ATXN1: variants seen among roughly 807,000 people sequenced by gnomAD.
The protein encoded by ATXN1 is ataxin 1.
ATXN1 carries 8 observed loss-of-function variants against 56.4 expected under a neutral mutation model. The observed-to-expected ratio is 0.14, with a 90% CI of 0.08 to 0.26. The LOEUF is 0.26. Ranked by LOEUF, ATXN1 falls within the 10% of genes least tolerant of loss-of-function variation. The pLI is 1.00. For synonymous variants in ATXN1, 514 were observed against 494.6 expected (o/e 1.04, Z -0.52); for missense variants, 987 against 1,106.5 (o/e 0.89, Z 1.53).
At chr6:16,609,944 A>G (rs546286640) in intron 3 of ATXN1, among the ~76,000 whole-genome samples, 7 of 152,282 alleles carry the variant, frequency 4.6e-5, no homozygotes, top group South Asian at 2.1e-4. Context: ...AAAAAAAATT[A>G]GGATTTTTTT....
chr6:16,742,829 C>T (rs1760389191), intron 2 of ATXN1, among the ~76,000 whole-genome samples: 1 of 152,298 alleles, frequency 6.6e-6, no homozygotes, highest in South Asian at 2.1e-4. Context: ...GGTCACCCTA[C>T]CCCTTTAAGC....
intron 6 of ATXN1, among the ~76,000 whole-genome samples, chr6:16,347,280 T>G (rs1448305365): frequency 2.0e-5 from 3 of 152,244 alleles, no homozygotes; most frequent in Non-Finnish European, 4.4e-5. Context: ...ATCCACTAGG[T>G]GAAGCCAGCT....
chr6:16,605,684 T>C (rs1434056178), intron 3 of ATXN1, among the ~76,000 whole-genome samples: 3 of 152,166 alleles, frequency 2.0e-5, no homozygotes, highest in Non-Finnish European at 4.4e-5. Context: ...AGTAAGAAGA[T>C]TAGCAGGAGA....
At chr6:16,438,581 A>G (rs1759440742) in intron 6 of ATXN1, among the ~76,000 whole-genome samples, 1 of 152,248 alleles carries the variant, frequency 6.6e-6, no homozygotes, top group African/African-American at 2.4e-5. Flanking sequence ...CCTCATCTCT[A>G]CAAGTCTCCT....
Position 16,491,277 on chromosome 6 carries a change from AT to A in ATXN1, c.-298-5169del, listed in dbSNP as rs57395401. Among the ~76,000 whole-genome samples the A allele has an allele frequency of 7.2e-3, 953 of 131,940 alleles. 17 individuals carry two copies. The highest frequency in any genetic ancestry group is 0.026 in the African/African-American group (871 of 33,924). 86.6% of individuals were successfully genotyped at this position (131,940 alleles called of 152,430 possible). On this transcript the variant is annotated intron_variant, in intron 5 of 7. Transcript: ENST00000436367. ...CTGGCTAATTATTATTATTATTATT[AT>A]TTTTTTTTTTTTTTTTTTTTTTTGA...
intron 4 of ATXN1, among the ~76,000 whole-genome samples, chr6:16,523,577 T>C (rs1414368655): frequency 6.6e-6 from 1 of 152,166 alleles, no homozygotes; most frequent in Non-Finnish European, 1.5e-5. Flanking sequence ...TGTGAAGAAG[T>C]CTTAATAAAT....
intron 3 of ATXN1, among the ~76,000 whole-genome samples, chr6:16,642,483 G>A (rs149351987): frequency 2.0e-5 from 3 of 152,330 alleles, no homozygotes; most frequent in African/African-American, 7.2e-5. Flanking sequence ...CTGTTAAAAT[G>A]ACAACAAAGG....
intron 6 of ATXN1, among the ~76,000 whole-genome samples, chr6:16,343,613 G>A (rs1017460499): frequency 1.1e-4 from 16 of 152,158 alleles, no homozygotes; most frequent in African/African-American, 3.9e-4. Context: ...GCTCTATCAT[G>A]TCATTGCTCA....
chr6:16,453,791 G>A (rs1461989240), intron 6 of ATXN1, among the ~76,000 whole-genome samples: 1 of 152,078 alleles, frequency 6.6e-6, no homozygotes, highest in East Asian at 1.9e-4. Context: ...TTCTAATTCT[G>A]GAAAATGAGG....
At chr6:16,395,270 C>CAA (rs748314030) in intron 6 of ATXN1, among the ~76,000 whole-genome samples, 1,733 of 47,982 alleles carry the variant, frequency 0.036, 46 homozygotes, top group African/African-American at 0.038. Flanking sequence ...AACTCCGTCT[C>CAA]AAAAAAAAAA....
rs1760826615 is a variant in ATXN1 at position 16,327,019 on chromosome 6, T to G, written c.1292A>C (p.His431Pro). The change falls in exon 7 of 8, where the codon CAC becomes CCC. Residue 431 changes from histidine (H) to proline (P), a missense_variant. By Grantham distance (77) the His-to-Pro change is moderately conservative (BLOSUM62 -2). Around this residue, in one of 3 missense-constraint regions of ATXN1, gnomAD observed 723 missense variants for 791.7 expected, o/e 0.91. Transcript: ENST00000436367. Reference protein sequence around the residue: ...PGHRSYALSPHTVIQTTHSAS... With the variant: ...PGHRSYALSPPTVIQTTHSAS... ...ACTGTGTGTGGTCTGAATGACCGTG[T>G]GGGGTGAGAGCGCGTAGGACCGGTG... The G allele has an allele frequency of 6.2e-7, 1 of 1,613,876 alleles. No homozygotes were observed.
intron 5 of ATXN1, among the ~76,000 whole-genome samples, chr6:16,515,281 G>A (rs1761160115): frequency 2.0e-5 from 3 of 152,068 alleles, no homozygotes; most frequent in South Asian, 2.1e-4. Flanking sequence ...GGACACAGCT[G>A]TAAAGCTCAT....
intron 2 of ATXN1, among the ~76,000 whole-genome samples, chr6:16,717,662 T>C (rs1759666185): frequency 6.6e-6 from 1 of 152,218 alleles, no homozygotes; most frequent in Non-Finnish European, 1.5e-5. Context: ...CGGATTAACA[T>C]TCTGGCATAA....
intron 5 of ATXN1, among the ~76,000 whole-genome samples, chr6:16,521,681 G>A (rs907461112): frequency 2.0e-5 from 3 of 152,242 alleles, no homozygotes; most frequent in Admixed American, 6.5e-5. Flanking sequence ...AGACAACCGC[G>A]AGTCGGGTGT....
At chr6:16,497,318 GAA>G (rs570573683) in intron 5 of ATXN1, among the ~76,000 whole-genome samples, 9 of 123,332 alleles carry the variant, frequency 7.3e-5, no homozygotes, top group Admixed American at 2.4e-4. Flanking sequence ...GATGTAAAAA[GAA>G]AAAAAAAAAA....
chr6:16,602,019 A>C (rs1561774063), intron 3 of ATXN1, among the ~76,000 whole-genome samples: 1 of 152,206 alleles, frequency 6.6e-6, no homozygotes, highest in Non-Finnish European at 1.5e-5. Context: ...TTCAGAATCC[A>C]TGCCAAGGGA....
At chr6:16,633,659 T>C (rs572276371) in intron 3 of ATXN1, among the ~76,000 whole-genome samples, 1 of 152,194 alleles carries the variant, frequency 6.6e-6, no homozygotes, top group East Asian at 1.9e-4. Context: ...GGCAGAAGTG[T>C]AGGAAAAGGC....
At chr6:16,716,889 T>C (rs1236115772) in intron 2 of ATXN1, among the ~76,000 whole-genome samples, 1 of 152,188 alleles carries the variant, frequency 6.6e-6, no homozygotes, top group Non-Finnish European at 1.5e-5. Context: ...CAGAGCTTGA[T>C]ATGAAGATAC....
intron 6 of ATXN1, among the ~76,000 whole-genome samples, chr6:16,443,033 A>G (rs1218307581): frequency 6.6e-6 from 1 of 151,604 alleles, no homozygotes; most frequent in Non-Finnish European, 1.5e-5. Flanking sequence ...AAACAAAAAA[A>G]ATAGCGGGCA....
Sources: allele counts gnomAD v4.1 joint callset (sites outside exome capture counted in the v4.1 genomes callset), GRCh38; gene constraint gnomAD v4.1.1; regional missense constraint gnomAD v4.1.1; transcripts MANE v1.5; gene names NCBI Gene and HGNC (gene_info 2026-07-23, HGNC 2026-07-21).